DMD: variants seen among roughly 807,000 people sequenced by gnomAD.
DMD encodes the protein dystrophin, also known as mutant dystrophin.
Under a neutral mutation model 330.1 loss-of-function variants are expected in DMD, and 63 were observed. That is an observed-to-expected ratio of 0.19 (90% CI 0.16 to 0.24). The LOEUF (loss-of-function observed/expected upper bound fraction) is 0.24, where lower values mean the gene tolerates loss of function less well. Ranked by LOEUF, DMD falls within the 10% of genes least tolerant of loss-of-function variation. The pLI, the probability that DMD is intolerant of heterozygous loss-of-function variation, is 1.00. For synonymous variants in DMD, 1,223 were observed against 959.8 expected (o/e 1.27, Z -5.07); for missense variants, 3,344 against 2,684.1 (o/e 1.25, Z -5.43).
chrX:32,907,185 T>A (rs1385689558), intron 2 of DMD, among the ~76,000 whole-genome samples: 1 of 112,217 alleles, frequency 8.9e-6, no homozygotes, highest in Non-Finnish European at 1.9e-5. Context: ...GATGTTCATT[T>A]CATTGCGTGA....
intron 1 of DMD, among the ~76,000 whole-genome samples, chrX:33,141,374 C>T (rs1283732744): frequency 9.0e-6 from 1 of 111,087 alleles, no homozygotes; most frequent in Non-Finnish European, 1.9e-5. Flanking sequence ...TTCTCCTGAG[C>T]GGTACTCTCA....
chrX:32,982,513 G>A (rs1401638629), intron 2 of DMD, among the ~76,000 whole-genome samples: 1 of 111,401 alleles, frequency 9.0e-6, no homozygotes, highest in Non-Finnish European at 1.9e-5. Flanking sequence ...TTCTGGTAAG[G>A]GTAAGATAAC....
chrX:32,783,570 A>G (rs1008295258), intron 7 of DMD, among the ~76,000 whole-genome samples: 3 of 110,545 alleles, frequency 2.7e-5, no homozygotes, highest in Non-Finnish European at 5.7e-5. Context: ...CCTGTAACAC[A>G]TAATTTATCT....
At chrX:32,387,995 AACATG>A (rs2097971315) in intron 32 of DMD, among the ~76,000 whole-genome samples, 1 of 111,790 alleles carries the variant, frequency 8.9e-6, no homozygotes, top group African/African-American at 3.2e-5. Flanking sequence ...TAAATAGACA[AACATG>A]TCTTGAAGGC....
chrX:32,768,220 G>C (rs2073217075), intron 7 of DMD, among the ~76,000 whole-genome samples: 1 of 111,973 alleles, frequency 8.9e-6, no homozygotes, highest in Admixed American at 9.5e-5. Context: ...CAGACACTAA[G>C]AAAACTTATT....
At chrX:32,390,633 T>C (rs1013374344) in intron 30 of DMD, among the ~76,000 whole-genome samples, 5 of 111,910 alleles carry the variant, frequency 4.5e-5, no homozygotes, top group African/African-American at 1.3e-4. Flanking sequence ...GGATGAGATA[T>C]AATGAGAAAA....
intron 7 of DMD, among the ~76,000 whole-genome samples, chrX:32,730,323 G>C (rs2067416784): frequency 8.9e-6 from 1 of 112,227 alleles, no homozygotes; most frequent in South Asian, 3.7e-4. Flanking sequence ...TCCAGCCTGG[G>C]CAAAAGAGTA....
At chrX:33,292,144 C>T (rs1477932034) in intron 1 of DMD, among the ~76,000 whole-genome samples, 4 of 111,059 alleles carry the variant, frequency 3.6e-5, no homozygotes, top group Non-Finnish European at 1.9e-5. Flanking sequence ...TCCCTTCACA[C>T]CTACATCACC....
At chrX:31,423,006 T>C (rs996220990) in intron 60 of DMD, among the ~76,000 whole-genome samples, 6 of 111,893 alleles carry the variant, frequency 5.4e-5, no homozygotes, top group Non-Finnish European at 9.4e-5. Flanking sequence ...TGCACGGATA[T>C]ATGTATTTTT....
chrX:32,156,631 TACACACACAC>T (rs747490085), intron 44 of DMD, among the ~76,000 whole-genome samples: 18 of 94,048 alleles, frequency 1.9e-4, no homozygotes, highest in East Asian at 6.9e-4. Context: ...GACAAAAGGA[TACACACACAC>T]ACACACACAC....
intron 7 of DMD, among the ~76,000 whole-genome samples, chrX:32,787,278 G>A (rs867074449): frequency 2.8e-5 from 3 of 105,778 alleles, no homozygotes; most frequent in East Asian, 3.0e-4. Flanking sequence ...GAGAGAAAGA[G>A]AGAGAGAACC....
In DMD at chrX:32,809,513, T is replaced by A; in HGVS notation, c.629A>T (p.Glu210Val). The change falls in exon 7 of 79, where the codon GAG (glutamate) becomes GTG (valine). Residue 210 changes from glutamate to valine, a missense_variant. By Grantham distance (121) the Glu-to-Val change is moderately radical. Transcript: ENST00000357033. The stretch of plus-strand genomic sequence containing the variant: ...CCAACCTTCAGGATCGAGTAGTTTC[T>A]CTATGCCTAATTGATATCTGGCGAT... The part of the protein sequence containing the change: ...FNIARYQLGI[E>V]KLLDPEDVDT... The A allele has an allele frequency of 8.3e-7, 1 of 1,210,885 alleles. No homozygotes were observed. Among genetic ancestry groups the A allele is most frequent in the Non-Finnish European group, 1.1e-6 (1 of 894,859 alleles).
chrX:32,691,165 C>A (rs2063251469), intron 9 of DMD, among the ~76,000 whole-genome samples: 1 of 110,262 alleles, frequency 9.1e-6, no homozygotes, highest in Admixed American at 9.7e-5. Flanking sequence ...TAGCTACATT[C>A]TAAGTTATCA....
intron 7 of DMD, among the ~76,000 whole-genome samples, chrX:32,777,496 T>TA (rs2074294284): frequency 9.0e-6 from 1 of 110,941 alleles, no homozygotes; most frequent in African/African-American, 3.3e-5. Context: ...TTCTCATTCT[T>TA]ACTGTTATTA....
intron 60 of DMD, among the ~76,000 whole-genome samples, chrX:31,393,546 G>A (rs1350914394): frequency 9.2e-6 from 1 of 108,946 alleles, no homozygotes; most frequent in Non-Finnish European, 1.9e-5. Context: ...CCATAGGATG[G>A]TGTGATGAGC....
intron 1 of DMD, among the ~76,000 whole-genome samples, chrX:33,044,808 A>G (rs1250748227): frequency 8.9e-6 from 1 of 112,052 alleles, no homozygotes; most frequent in Non-Finnish European, 1.9e-5. Context: ...CGTAAGGAAA[A>G]TTCTGCCTGA....
chrX:31,331,645 G>A (rs1419464810), intron 61 of DMD, among the ~76,000 whole-genome samples: 1 of 111,705 alleles, frequency 9.0e-6, no homozygotes, highest in Non-Finnish European at 1.9e-5. Context: ...CATTACCAGG[G>A]AACTTTCCTC....
chrX:32,632,984 G>T (rs773478231), intron 11 of DMD, among the ~76,000 whole-genome samples: 65 of 112,300 alleles, frequency 5.8e-4, no homozygotes, highest in African/African-American at 2.0e-3. Flanking sequence ...GAGTTCTCCT[G>T]AAAATGGGCT....
intron 51 of DMD, among the ~76,000 whole-genome samples, chrX:31,744,880 A>T (rs898382038): frequency 4.4e-5 from 5 of 112,362 alleles, no homozygotes; most frequent in Non-Finnish European, 9.4e-5. Context: ...TGCCTCATGG[A>T]TGACATGAAA....
Sources: allele counts gnomAD v4.1 joint callset (sites outside exome capture counted in the v4.1 genomes callset), GRCh38; gene constraint gnomAD v4.1.1; transcripts MANE v1.5; gene names NCBI Gene and HGNC (gene_info 2026-07-23, HGNC 2026-07-21).